ERC2: variants seen among roughly 807,000 people sequenced by gnomAD.
ERC2 encodes the protein ERC protein 2.
In ERC2, 42 loss-of-function variants were observed where a neutral mutation model predicts 114.8. The observed-to-expected ratio is 0.37, with a 90% CI of 0.29 to 0.47. ERC2 has a LOEUF of 0.47. Among genes scored for constraint, ERC2 ranks in the 20% least tolerant of loss-of-function variants. ERC2 has a pLI of 0.99. For synonymous variants in ERC2, 454 were observed against 425.5 expected (o/e 1.07, Z -0.82); for missense variants, 939 against 1,150.7 (o/e 0.82, Z 2.66).
intron 3 of ERC2, among the ~76,000 whole-genome samples, chr3:56,204,174 AAG>A (rs2048568903): frequency 6.6e-6 from 1 of 152,100 alleles, no homozygotes; most frequent in African/African-American, 2.4e-5. Context: ...GGGAGACAGA[AAG>A]AGACTCTGTC....
At chr3:55,743,805 C>T (rs2066135365) in intron 14 of ERC2, among the ~76,000 whole-genome samples, 1 of 151,846 alleles carries the variant, frequency 6.6e-6, no homozygotes, top group African/African-American at 2.4e-5. Flanking sequence ...TGACTGTGGC[C>T]CTGGGTAAGT....
At chr3:55,888,127 C>T (rs1433611616) in intron 14 of ERC2, among the ~76,000 whole-genome samples, 2 of 152,338 alleles carry the variant, frequency 1.3e-5, no homozygotes, top group East Asian at 3.9e-4. Flanking sequence ...CTATGAATCC[C>T]AGCACCATCC....
chr3:56,372,721 C>CT (rs143946211), intron 2 of ERC2, among the ~76,000 whole-genome samples: 94 of 152,006 alleles, frequency 6.2e-4, no homozygotes, highest in African/African-American at 2.2e-3. Flanking sequence ...GAGAGACACT[C>CT]TGCCTTGAAA....
At chr3:56,452,208 G>A (rs2062855167) in intron 1 of ERC2, among the ~76,000 whole-genome samples, 1 of 152,202 alleles carries the variant, frequency 6.6e-6, no homozygotes, top group Non-Finnish European at 1.5e-5. Flanking sequence ...GAGTCAATGT[G>A]AAAGGAAATA....
chr3:55,946,764 C>A (rs2067148797), intron 13 of ERC2, among the ~76,000 whole-genome samples: 1 of 152,150 alleles, frequency 6.6e-6, no homozygotes, highest in African/African-American at 2.4e-5. Context: ...TTCCTGTTCT[C>A]CTTGTCAATG....
At chr3:56,186,518 T>C (rs1453496085) in intron 3 of ERC2, among the ~76,000 whole-genome samples, 1 of 151,830 alleles carries the variant, frequency 6.6e-6, no homozygotes, top group African/African-American at 2.4e-5. Flanking sequence ...TGTTGTTGGT[T>C]TTGTTTGTTT....
chr3:56,446,193 A>G (rs1559513194), intron 1 of ERC2, among the ~76,000 whole-genome samples: 1 of 152,212 alleles, frequency 6.6e-6, no homozygotes, highest in East Asian at 1.9e-4. Flanking sequence ...TTAGGTGCCC[A>G]GGATTCAGAG....
chr3:56,140,683 T>C (rs1048223307), intron 5 of ERC2, among the ~76,000 whole-genome samples: 10 of 152,202 alleles, frequency 6.6e-5, no homozygotes, highest in Non-Finnish European at 8.8e-5. Context: ...TTCTCAAGTG[T>C]CTATCTAAGA....
chr3:55,853,347 T>C (rs527435158), intron 14 of ERC2, among the ~76,000 whole-genome samples: 1 of 152,258 alleles, frequency 6.6e-6, no homozygotes, highest in African/African-American at 2.4e-5. Flanking sequence ...GGTAATATAG[T>C]GAGACCCTGT....
At chr3:55,816,772 CA>C (rs111476411) in intron 14 of ERC2, among the ~76,000 whole-genome samples, 2 of 149,306 alleles carry the variant, frequency 1.3e-5, no homozygotes, top group Admixed American at 6.7e-5. Flanking sequence ...AAAACAAAAA[CA>C]AAAAAAAACG....
chr3:56,127,755 T>C (rs917891471), intron 6 of ERC2, among the ~76,000 whole-genome samples: 1 of 148,884 alleles, frequency 6.7e-6, no homozygotes, highest in Non-Finnish European at 1.5e-5. Flanking sequence ...AGCATAGTAT[T>C]GGCATAAAAA....
chr3:55,649,758 C>T (rs773296500), intron 17 of ERC2, among the ~76,000 whole-genome samples: 2 of 152,142 alleles, frequency 1.3e-5, no homozygotes, highest in Non-Finnish European at 2.9e-5. Flanking sequence ...AGGGCACCCC[C>T]GTCATGTGCC....
chr3:55,710,960 G>C (rs183835821), intron 15 of ERC2, among the ~76,000 whole-genome samples: 13 of 152,300 alleles, frequency 8.5e-5, no homozygotes, highest in African/African-American at 3.1e-4. Context: ...TTGACAGCTG[G>C]AACCTGGCCC....
chr3:56,038,696 G>A (rs1017204023), intron 7 of ERC2, among the ~76,000 whole-genome samples: 1 of 152,266 alleles, frequency 6.6e-6, no homozygotes, highest in Non-Finnish European at 1.5e-5. Flanking sequence ...ATGCCCATCA[G>A]TGATAGATTG....
chr3:55,799,455 A>G (rs1279196026), intron 14 of ERC2, among the ~76,000 whole-genome samples: 7 of 132,564 alleles, frequency 5.3e-5, no homozygotes, highest in African/African-American at 1.7e-4. Flanking sequence ...ATATGCATAT[A>G]TATATATATA....
Position 56,019,042 on chromosome 3 carries a change from A to G in ERC2, c.1642-11T>C. Reference sequence around the variant, plus strand: ...TTGCAAGTTTTCAATCTAAAAATAAAAATCAATATTTTAATGCATATTTGA... The same window carrying G: ...TTGCAAGTTTTCAATCTAAAAATAAGAATCAATATTTTAATGCATATTTGA... On this transcript the variant is annotated splice_polypyrimidine_tract_variant and intron_variant, in intron 7 of 17. Transcript: ENST00000288221. The G allele has an allele frequency of 6.3e-7, 1 of 1,595,018 alleles. No homozygotes were observed. The highest frequency in any genetic ancestry group is 8.5e-7 in the Non-Finnish European group (1 of 1,169,668).
At chr3:55,562,943 TG>T (rs2056125402) in intron 17 of ERC2, among the ~76,000 whole-genome samples, 1 of 152,144 alleles carries the variant, frequency 6.6e-6, no homozygotes. Flanking sequence ...AGCCATCCAC[TG>T]TAGTCCAGTT....
At chr3:56,032,517 G>C (rs543465594) in intron 7 of ERC2, among the ~76,000 whole-genome samples, 42 of 152,130 alleles carry the variant, frequency 2.8e-4, no homozygotes, top group African/African-American at 1.0e-3. Flanking sequence ...AATCTGGAGA[G>C]GGAAATGAGT....
chr3:56,152,197 C>T (rs534865725), intron 4 of ERC2, among the ~76,000 whole-genome samples: 4 of 152,094 alleles, frequency 2.6e-5, no homozygotes, highest in Middle Eastern at 3.4e-3. Flanking sequence ...ATTTTCAATG[C>T]GCATTAACAT....
Sources: allele counts gnomAD v4.1 joint callset (sites outside exome capture counted in the v4.1 genomes callset), GRCh38; gene constraint gnomAD v4.1.1; transcripts MANE v1.5; gene names NCBI Gene and HGNC (gene_info 2026-07-23, HGNC 2026-07-21).